Variants in TTLL13 observed in about 807,000 individuals in gnomAD.
TTLL13 encodes tubulin tyrosine ligase like 13, also known as tubulin polyglutamylase TTLL13.
chr15:90,262,154 G>A, the TTLL13 span: 1 of 1,535,552 alleles, frequency 6.5e-7, no homozygotes, highest in Non-Finnish European at 8.7e-7. Flanking sequence ...CCTCTTCCAA[G>A]AGACTGCTGC....
the TTLL13 span, chr15:90,262,445 T>A: frequency 2.8e-6 from 4 of 1,434,490 alleles, no homozygotes; most frequent in Non-Finnish European, 3.6e-6. Flanking sequence ...ACCCCTCTTC[T>A]CCCCAACACC....
the TTLL13 span, among the ~76,000 whole-genome samples, chr15:90,251,279 A>ATTTTTTTTT: frequency 1.5e-5 from 1 of 65,380 alleles, no homozygotes; most frequent in South Asian, 5.9e-4. Context: ...ACGCATGGCA[A>ATTTTTTTTT]ATTTTTTTTT....
chr15:90,263,946 G>C, the TTLL13 span: 2 of 1,533,334 alleles, frequency 1.3e-6, no homozygotes, highest in Admixed American at 3.9e-5. Flanking sequence ...ACCATCTGCA[G>C]CCCAAGAACT....
At chr15:90,262,721 A>G in the TTLL13 span, 1 of 1,422,406 alleles carries the variant, frequency 7.0e-7, no homozygotes, top group South Asian at 1.5e-5. Context: ...GGGTTGGGAC[A>G]ACTAGATAGG....
the TTLL13 span, chr15:90,256,185 C>T: frequency 1.2e-6 from 2 of 1,614,198 alleles, no homozygotes; most frequent in Admixed American, 1.7e-5. Flanking sequence ...AAAGCCCGCA[C>T]ATATATCTGC....
chr15:90,262,954 T>G, the TTLL13 span: 1 of 1,534,954 alleles, frequency 6.5e-7, no homozygotes, highest in Non-Finnish European at 8.7e-7. Flanking sequence ...TTATCTCTCA[T>G]GTACCTTGTA....
chr15:90,258,790 A>T, the TTLL13 span: 1 of 1,614,216 alleles, frequency 6.2e-7, no homozygotes, highest in Non-Finnish European at 8.5e-7. Context: ...TTGATCAAGA[A>T]GTAAAGGATG....
chr15:90,261,891 G>T, the TTLL13 span: 1 of 823,924 alleles, frequency 1.2e-6, no homozygotes, highest in Non-Finnish European at 1.8e-6. Flanking sequence ...ACTTGGGCAG[G>T]GGCCCAGGAG....
the TTLL13 span, among the ~76,000 whole-genome samples, chr15:90,252,866 G>A: frequency 6.6e-6 from 1 of 152,120 alleles, no homozygotes; most frequent in African/African-American, 2.4e-5. Flanking sequence ...ACCCAGGTGT[G>A]GTGGTGGGCG....
the TTLL13 span, chr15:90,262,271 G>A: frequency 7.2e-6 from 10 of 1,381,782 alleles, no homozygotes; most frequent in Admixed American, 1.6e-4. Context: ...CAGGGAAAGA[G>A]GAAGCCAGAC....
At chr15:90,254,719 T>C in the TTLL13 span, among the ~76,000 whole-genome samples, 2 of 151,418 alleles carry the variant, frequency 1.3e-5, no homozygotes, top group East Asian at 3.9e-4. Flanking sequence ...TAGTGGTGCA[T>C]GCTTTAGTCC....
At chr15:90,256,205 A>G in the TTLL13 span, 8 of 1,614,192 alleles carry the variant, frequency 5.0e-6, no homozygotes, top group Non-Finnish European at 5.9e-6. Context: ...CAAGCCAGAC[A>G]GTGGCTGTCA....
chr15:90,253,125 A>C, the TTLL13 span: 4 of 620,800 alleles, frequency 6.4e-6, no homozygotes, highest in African/African-American at 7.2e-5. Flanking sequence ...GGGCTGAGGC[A>C]AGAACTACCT....
chr15:90,263,985 C>A, the TTLL13 span: 3 of 1,535,974 alleles, frequency 2.0e-6, no homozygotes, highest in South Asian at 2.4e-5. Flanking sequence ...CGGCAGCCAT[C>A]AACTCCTGTT....
the TTLL13 span, chr15:90,259,084 C>G: frequency 2.1e-6 from 3 of 1,441,816 alleles, no homozygotes; most frequent in South Asian, 4.2e-5. Context: ...ATCACAGGAC[C>G]AGGCTTGGTG....
the TTLL13 span, chr15:90,263,006 T>C: frequency 1.3e-6 from 2 of 1,535,836 alleles, no homozygotes; most frequent in East Asian, 2.4e-5. Flanking sequence ...CCTCAAGAAA[T>C]TGTGGAAGAG....
the TTLL13 span, among the ~76,000 whole-genome samples, chr15:90,256,587 TTC>T: frequency 8.3e-5 from 3 of 36,078 alleles, no homozygotes; most frequent in Non-Finnish European, 1.6e-4. Context: ...CTTTCTTTCT[TTC>T]TTTCTTTCTT....
chr15:90,264,983 A>G, the TTLL13 span: 1 of 1,528,340 alleles, frequency 6.5e-7, no homozygotes. Context: ...GGAGGGAAGC[A>G]CTCTACCTCT....
At chr15:90,261,374 C>T in the TTLL13 span, among the ~76,000 whole-genome samples, 5 of 135,664 alleles carry the variant, frequency 3.7e-5, no homozygotes, top group African/African-American at 1.3e-4. Flanking sequence ...CCACCATGCC[C>T]GGCCACTTTT....
Sources: gnomAD v4.1 joint callset for allele counts (sites outside exome capture counted in the v4.1 genomes callset) on GRCh38, gnomAD v4.1.1 for gene constraint, MANE v1.5 for transcripts, NCBI Gene and HGNC (gene_info 2026-07-23, HGNC 2026-07-21) for gene names.